Variants in PDSS2 observed in about 807,000 individuals in gnomAD.
PDSS2 encodes decaprenyl diphosphate synthase subunit 2.
A neutral mutation model predicts 44.5 loss-of-function variants in PDSS2; 31 were observed. The ratio of observed to expected loss-of-function variants is 0.70; its 90% CI spans 0.52 to 0.94. The LOEUF (loss-of-function observed/expected upper bound fraction) is 0.94, where lower values mean the gene tolerates loss of function less well. Among genes scored for constraint, PDSS2 ranks in the 40% least tolerant of loss-of-function variants. The pLI is 0.00. For missense variants in PDSS2, 452 were observed against 482.2 expected, an observed-to-expected ratio of 0.94 and a Z score of 0.59; for synonymous variants, 157 against 180.3, an observed-to-expected ratio of 0.87 and a Z score of 1.03.
intron 7 of PDSS2, among the ~76,000 whole-genome samples, chr6:107,168,129 T>A (rs1400606321): frequency 1.3e-5 from 2 of 152,184 alleles, no homozygotes; most frequent in Admixed American, 6.6e-5. Context: ...TTTGTAGGTC[T>A]CTAAGGACTT....
intron 1 of PDSS2, among the ~76,000 whole-genome samples, chr6:107,431,314 G>A (rs944522662): frequency 8.6e-5 from 13 of 152,032 alleles, no homozygotes; most frequent in Admixed American, 4.6e-4. Context: ...GTGCAGTAGC[G>A]CAATCATGGC....
chr6:107,230,993 G>C (rs147269337), intron 4 of PDSS2, among the ~76,000 whole-genome samples: 16 of 152,210 alleles, frequency 1.1e-4, no homozygotes, highest in African/African-American at 3.6e-4. Context: ...AGGATCCCTT[G>C]AACCCAGGAG....
At chr6:107,245,738 T>A (rs758852475) in intron 3 of PDSS2, 119 bp from the exon 4 acceptor site, 4 of 627,162 alleles carry the variant, frequency 6.4e-6, no homozygotes, top group African/African-American at 1.9e-5. Context: ...ACAGAAAAAA[T>A]GGGACTATGC....
At chr6:107,320,126 C>G (rs547258361) in intron 2 of PDSS2, among the ~76,000 whole-genome samples, 1 of 152,120 alleles carries the variant, frequency 6.6e-6, no homozygotes, top group Non-Finnish European at 1.5e-5. Flanking sequence ...TTTTACATAG[C>G]CTGCTGCAAA....
chr6:107,222,458 C>T (rs1351548258), intron 4 of PDSS2, among the ~76,000 whole-genome samples: 1 of 151,888 alleles, frequency 6.6e-6, no homozygotes, highest in African/African-American at 2.4e-5. Context: ...AGCTCGAGAC[C>T]ATCCTGGCCA....
chr6:107,188,862 C>T (rs1327595641), intron 7 of PDSS2, among the ~76,000 whole-genome samples: 2 of 152,210 alleles, frequency 1.3e-5, no homozygotes, highest in Non-Finnish European at 2.9e-5. Flanking sequence ...CAGCACTATG[C>T]TTCTCGTATA....
intron 7 of PDSS2, among the ~76,000 whole-genome samples, chr6:107,155,460 T>A (rs1202844703): frequency 2.0e-5 from 3 of 152,072 alleles, no homozygotes; most frequent in Non-Finnish European, 4.4e-5. Context: ...AGCCTGATAT[T>A]CTTATGTGAG....
chr6:107,420,097 A>G (rs1162018341), intron 1 of PDSS2, among the ~76,000 whole-genome samples: 3 of 152,224 alleles, frequency 2.0e-5, no homozygotes, highest in African/African-American at 7.2e-5. Context: ...AAGCAAAGCC[A>G]TCCTAAATGC....
At chr6:107,441,540 G>A (rs781163910) in intron 1 of PDSS2, among the ~76,000 whole-genome samples, 13 of 152,118 alleles carry the variant, frequency 8.5e-5, no homozygotes, top group Non-Finnish European at 1.3e-4. Flanking sequence ...GTAAGAATTA[G>A]GTCACAAAAT....
At chr6:107,285,520 A>T (rs913722633) in intron 2 of PDSS2, among the ~76,000 whole-genome samples, 2 of 152,194 alleles carry the variant, frequency 1.3e-5, no homozygotes, top group African/African-American at 4.8e-5. Context: ...AAAGTATGAT[A>T]TCACAAGAAT....
intron 7 of PDSS2, among the ~76,000 whole-genome samples, chr6:107,168,892 C>G (rs1263316222): frequency 6.6e-6 from 1 of 152,148 alleles, no homozygotes; most frequent in Non-Finnish European, 1.5e-5. Flanking sequence ...CGACCTTTCT[C>G]TCTGGCTGCC....
chr6:107,160,689 G>A (rs1771095291), intron 7 of PDSS2, among the ~76,000 whole-genome samples: 1 of 151,516 alleles, frequency 6.6e-6, no homozygotes, highest in Non-Finnish European at 1.5e-5. Context: ...ATATGGGCTT[G>A]GGAGTAGCAA....
At chr6:107,369,560 A>G (rs1251994412) in intron 1 of PDSS2, among the ~76,000 whole-genome samples, 1 of 152,240 alleles carries the variant, frequency 6.6e-6, no homozygotes, top group Non-Finnish European at 1.5e-5. Flanking sequence ...CCATAGGAGC[A>G]TATCTTCATG....
At chr6:107,317,337 G>A (rs1777233263) in intron 2 of PDSS2, among the ~76,000 whole-genome samples, 3 of 152,182 alleles carry the variant, frequency 2.0e-5, no homozygotes, top group Admixed American at 2.0e-4. Flanking sequence ...GAGGAAACAT[G>A]AGACAAAGGT....
intron 2 of PDSS2, among the ~76,000 whole-genome samples, chr6:107,297,597 G>A (rs946716157): frequency 6.6e-6 from 1 of 151,968 alleles, no homozygotes; most frequent in African/African-American, 2.4e-5. Flanking sequence ...GGCCAGGCTG[G>A]TCTCGAACTC....
intron 1 of PDSS2, among the ~76,000 whole-genome samples, chr6:107,442,254 TAA>T (rs1307186766): frequency 6.6e-6 from 1 of 151,874 alleles, no homozygotes; most frequent in Admixed American, 6.6e-5. Context: ...CTATCTCTAC[TAA>T]AAATACAAAA....
intron 2 of PDSS2, among the ~76,000 whole-genome samples, chr6:107,320,650 T>C (rs762907814): frequency 5.3e-5 from 8 of 152,174 alleles, no homozygotes; most frequent in Non-Finnish European, 1.2e-4. Context: ...CATGCAGTAA[T>C]AGAGATAATG....
intron 2 of PDSS2, among the ~76,000 whole-genome samples, chr6:107,287,491 T>C (rs775077143): frequency 1.6e-4 from 24 of 151,988 alleles, no homozygotes; most frequent in Non-Finnish European, 3.2e-4. Flanking sequence ...TAATTTTATA[T>C]ACCCACATAA....
chr6:107,457,917 C>T (rs1226326773), intron 1 of PDSS2, among the ~76,000 whole-genome samples: 1 of 151,966 alleles, frequency 6.6e-6, no homozygotes. Flanking sequence ...GAAATACATA[C>T]TGAAGTATTT....
Sources: gnomAD v4.1 joint callset for allele counts (sites outside exome capture counted in the v4.1 genomes callset) on GRCh38, gnomAD v4.1.1 for gene constraint, MANE v1.5 for transcripts, NCBI Gene and HGNC (gene_info 2026-07-23, HGNC 2026-07-21) for gene names.